Variants in RBFOX1 observed in about 807,000 individuals in gnomAD.
RBFOX1 encodes the protein RNA binding protein fox-1 homolog 1.
RBFOX1 carries 8 observed loss-of-function variants against 57.7 expected under a neutral mutation model. The ratio of observed to expected loss-of-function variants is 0.14; its 90% confidence interval spans 0.08 to 0.25. The LOEUF is 0.25. Ranked by LOEUF, RBFOX1 falls within the 10% of genes least tolerant of loss-of-function variation. The pLI is 1.00. For synonymous variants in RBFOX1, 326 were observed against 222.4 expected, an observed-to-expected ratio of 1.47 and a Z score of -4.15; for missense variants, 611 against 548.5, an observed-to-expected ratio of 1.11 and a Z score of -1.14.
chr16:6,140,296 A>G (rs2152698675), intron 1 of RBFOX1, among the ~76,000 whole-genome samples: 1 of 151,622 alleles, frequency 6.6e-6, no homozygotes, highest in Admixed American at 6.6e-5. Flanking sequence ...GGTTCAAGCG[A>G]TTGTCCTGCT....
intron 3 of RBFOX1, among the ~76,000 whole-genome samples, chr16:6,828,414 C>T (rs1015235523): frequency 6.6e-6 from 1 of 151,930 alleles, no homozygotes; most frequent in Non-Finnish European, 1.5e-5. Context: ...GACCCAGCTA[C>T]TCAGGAGACT....
chr16:5,276,836 T>G (rs2063153511), intron 1 of RBFOX1, among the ~76,000 whole-genome samples: 1 of 152,192 alleles, frequency 6.6e-6, no homozygotes, highest in African/African-American at 2.4e-5. Context: ...GCTTTTACAC[T>G]GATGGTGGGA....
chr16:6,030,193 A>G (rs570752606), intron 1 of RBFOX1, among the ~76,000 whole-genome samples: 4 of 152,260 alleles, frequency 2.6e-5, no homozygotes, highest in Admixed American at 6.5e-5. Flanking sequence ...TGCTGGGATT[A>G]CAGGCATGAG....
At chr16:6,342,816 C>G (rs1404051794) in intron 2 of RBFOX1, among the ~76,000 whole-genome samples, 1 of 152,180 alleles carries the variant, frequency 6.6e-6, no homozygotes, top group African/African-American at 2.4e-5. Context: ...CTCGTCTATG[C>G]TAATCACCTT....
At chr16:5,705,541 G>A (rs775072253) in intron 3 of RBFOX1, among the ~76,000 whole-genome samples, 19 of 152,162 alleles carry the variant, frequency 1.2e-4, no homozygotes, top group Non-Finnish European at 2.2e-4. Context: ...AATCACGAGC[G>A]AAACATTGAC....
At chr16:5,791,272 C>T (rs192847045) in intron 3 of RBFOX1, among the ~76,000 whole-genome samples, 3 of 152,148 alleles carry the variant, frequency 2.0e-5, no homozygotes, top group Admixed American at 6.5e-5. Flanking sequence ...TATTTTCTAT[C>T]GCACTAAAAA....
chr16:7,167,325 C>G (rs948171191), intron 4 of RBFOX1, among the ~76,000 whole-genome samples: 4 of 151,882 alleles, frequency 2.6e-5, no homozygotes, highest in East Asian at 3.9e-4. Flanking sequence ...TTAAGGATCT[C>G]TAGGTGAAAT....
chr16:6,724,609 T>A (rs2066753347), intron 3 of RBFOX1, among the ~76,000 whole-genome samples: 1 of 152,086 alleles, frequency 6.6e-6, no homozygotes, highest in Non-Finnish European at 1.5e-5. Context: ...GAAAATAAAT[T>A]TCTGTTATTT....
intron 2 of RBFOX1, among the ~76,000 whole-genome samples, chr16:6,513,319 G>C (rs113453133): frequency 6.6e-6 from 1 of 152,178 alleles, no homozygotes; most frequent in African/African-American, 2.4e-5. Context: ...GATTCTGTCA[G>C]CTTCTCCTCC....
chr16:6,158,088 G>T (rs956047805), intron 1 of RBFOX1, among the ~76,000 whole-genome samples: 2 of 152,150 alleles, frequency 1.3e-5, no homozygotes, highest in Admixed American at 6.5e-5. Context: ...GAGATTCCCC[G>T]AGATAAAACC....
intron 2 of RBFOX1, among the ~76,000 whole-genome samples, chr16:6,371,673 A>G (rs546098827): frequency 6.6e-6 from 1 of 152,316 alleles, no homozygotes; most frequent in South Asian, 2.1e-4. Flanking sequence ...AGTGGTGTTT[A>G]GAAACAAAGT....
chr16:6,318,923 T>C (rs557481981), intron 2 of RBFOX1, among the ~76,000 whole-genome samples: 4 of 151,894 alleles, frequency 2.6e-5, no homozygotes, highest in African/African-American at 7.2e-5. Flanking sequence ...GTCCTTGGGA[T>C]TGCAGCTTCT....
At chr16:7,241,746 CAT>C (rs1437220010) in intron 4 of RBFOX1, among the ~76,000 whole-genome samples, 1 of 152,032 alleles carries the variant, frequency 6.6e-6, no homozygotes, top group African/African-American at 2.4e-5. Context: ...AACACACACA[CAT>C]GCCCATTTTC....
chr16:7,172,797 A>G (rs1349835939), intron 4 of RBFOX1, among the ~76,000 whole-genome samples: 1 of 152,128 alleles, frequency 6.6e-6, no homozygotes, highest in Non-Finnish European at 1.5e-5. Flanking sequence ...TGGCTTCCCA[A>G]TGTAGAGTTA....
chr16:7,662,208 T>C (rs961759827), intron 12 of RBFOX1, among the ~76,000 whole-genome samples: 6 of 152,206 alleles, frequency 3.9e-5, no homozygotes, highest in African/African-American at 1.4e-4. Context: ...TTGAGATCTT[T>C]AGAAGTCATT....
chr16:6,726,525 G>A (rs1208163819), intron 3 of RBFOX1, among the ~76,000 whole-genome samples: 1 of 151,882 alleles, frequency 6.6e-6, no homozygotes, highest in South Asian at 2.1e-4. Context: ...AAAGTACAGT[G>A]CCTGGACATG....
At chr16:7,654,584 A>G (rs1357301954) in intron 12 of RBFOX1, among the ~76,000 whole-genome samples, 2 of 152,174 alleles carry the variant, frequency 1.3e-5, no homozygotes, top group Non-Finnish European at 2.9e-5. Flanking sequence ...CCTTCTCTGC[A>G]CAGACTTTGA....
rs143207528 is a variant in RBFOX1, at chr16:5,718,786, G to A, written c.318+119825G>A. Among the ~76,000 whole-genome samples, 312 of 152,242 alleles carry A rather than the reference G, an allele frequency of 2.0e-3. 2 individuals carry two copies. Among genetic ancestry groups the A allele is most frequent in the African/African-American group, 7.3e-3 (302 of 41,518 alleles). On this transcript the variant is annotated intron_variant, in intron 3 of 19. Transcript: ENST00000641259. ...AGCCGGGGCATAGTCGTGGGTACCT[G>A]TAATCCCAGCTACTCCAGAGGCTGA... is the stretch of plus-strand genomic sequence containing the variant.
intron 3 of RBFOX1, among the ~76,000 whole-genome samples, chr16:6,759,149 C>CTTTTTT (rs55903030): frequency 1.4e-5 from 2 of 147,214 alleles, no homozygotes; most frequent in African/African-American, 2.5e-5. Flanking sequence ...CTTATCAATT[C>CTTTTTT]TTTTTTTTTT....
Sources: allele counts gnomAD v4.1 joint callset (sites outside exome capture counted in the v4.1 genomes callset), GRCh38; gene constraint gnomAD v4.1.1; transcripts MANE v1.5; gene names NCBI Gene and HGNC (gene_info 2026-07-23, HGNC 2026-07-21).